BEND3: variants seen among roughly 807,000 people sequenced by gnomAD.
BEND3 encodes BEN domain-containing protein 3.
In BEND3, 13 loss-of-function variants were observed where a neutral mutation model predicts 60.1. The observed-to-expected ratio is 0.22, with a 90% CI of 0.14 to 0.34. The LOEUF (loss-of-function observed/expected upper bound fraction) is 0.34. Ranked by LOEUF, BEND3 falls within the 10% of genes least tolerant of loss-of-function variation. The pLI, the probability that BEND3 is intolerant of heterozygous loss-of-function variation, is 1.00. For missense variants in BEND3, 896 were observed against 1,138.1 expected (o/e 0.79, Z 3.06); for synonymous variants, 497 against 491.5 (o/e 1.01, Z -0.15).
At chr6:107,091,392 G>C (rs1775471956) in intron 3 of BEND3, among the ~76,000 whole-genome samples, 1 of 152,046 alleles carries the variant, frequency 6.6e-6, no homozygotes, top group Admixed American at 6.6e-5. Context: ...TCTCTGAAAA[G>C]ATCAGTAAAA....
Position 107,098,830 on chromosome 6 carries a change from G to A in BEND3, c.38-77C>T, listed in dbSNP as rs1356248895. The stretch of plus-strand genomic sequence containing the variant: ...GATCAGCAGGGTTCTCTGAGCAGCA[G>A]GGTGTCTGTGGGCCGCCCTTTGACA... On this transcript the variant is annotated intron_variant, in intron 2 of 3. Transcript: ENST00000369042. 8.8e-6 allele frequency: 11 copies of A among 1,257,086 alleles called. No individual in the cohort carries two copies. The East Asian group carries it at 2.6e-4, about 30-fold the overall frequency. The allele number at this position is 1,257,086 out of a possible 1,614,324, so 77.9% of individuals were successfully genotyped here. A position where few individuals can be genotyped will look rare whatever the true frequency, so the allele number is the denominator to read the frequency against.
chr6:107,068,647 A>G lies in BEND3; in HGVS notation c.*57T>C. 1 of 1,567,424 alleles carries G rather than the reference A, an allele frequency of 6.4e-7. No individual in the cohort carries two copies. The highest frequency in any genetic ancestry group is 8.7e-7 in the Non-Finnish European group (1 of 1,155,612). On this transcript the variant is annotated 3_prime_UTR_variant, in exon 4 of 4. Transcript: ENST00000369042. The surrounding 1 kb of genome is among the most constrained non-coding windows in gnomAD (Gnocchi z 5.8). ...TGCTCCCAAGTATTGCTCAGTCCCAAGGGTGCCCATCGCTCAGCCTCTGGT... is the reference window on the plus strand; with the variant it reads ...TGCTCCCAAGTATTGCTCAGTCCCAGGGGTGCCCATCGCTCAGCCTCTGGT...
Position 107,069,285 on chromosome 6 carries a change from C to A in BEND3, c.1906G>T (p.Val636Leu). 2 of 1,612,362 alleles carry A rather than the reference C, an allele frequency of 1.2e-6. No homozygotes were observed. Among genetic ancestry groups the A allele is most frequent in the African/African-American group, 1.3e-5 (1 of 75,024 alleles). The change falls in exon 4 of 4, where the codon GTG becomes TTG. Residue 636 changes from valine (V) to leucine (L), a missense_variant. Transcript: ENST00000369042. ...CGGCAGCGCTCATCCAGTTTGCCCACGAACTCCAGGGTCCAGACGCGGTCG... is the reference window on the plus strand; with the variant it reads ...CGGCAGCGCTCATCCAGTTTGCCCAAGAACTCCAGGGTCCAGACGCGGTCG... The part of the protein sequence containing the change: ...KNDRVWTLEF[V>L]GKLDERCRRR...
rs1360951770 is a variant in BEND3, at chr6:107,115,515, T to C, written c.-437A>G. Among the ~76,000 whole-genome samples, 1 of 146,566 alleles carries C rather than the reference T, an allele frequency of 6.8e-6. No homozygotes were observed. The highest frequency in any genetic ancestry group is 6.7e-5 in the Admixed American group (1 of 14,816). ...GGCCCGGCGCGCTCGGCCAGCGCAG[T>C]GGCTCCACGTGGGCCCGCGCTGGCT... On this transcript the variant is annotated 5_prime_UTR_variant, in exon 1 of 4. Coordinates refer to ENST00000369042, the MANE Select transcript of BEND3 (RefSeq NM_001367314.1).
At chr6:107,079,399 G>T (rs1364522237) in intron 3 of BEND3, among the ~76,000 whole-genome samples, 5 of 152,224 alleles carry the variant, frequency 3.3e-5, no homozygotes, top group Non-Finnish European at 7.3e-5. Flanking sequence ...CTCTGTCCTT[G>T]CAACAAGGTG....
At chr6:107,103,959 A>AG (rs1297214593) in intron 1 of BEND3, among the ~76,000 whole-genome samples, 3 of 107,840 alleles carry the variant, frequency 2.8e-5, no homozygotes, top group Non-Finnish European at 5.8e-5. Context: ...AAAAAAAAAA[A>AG]AAAGAAAGAA....
At chr6:107,097,980 T>G (rs1202850139) in intron 3 of BEND3, among the ~76,000 whole-genome samples, 1 of 152,034 alleles carries the variant, frequency 6.6e-6, no homozygotes, top group Non-Finnish European at 1.5e-5. Context: ...GGATCTGCCC[T>G]AACATCCAAC....
intron 1 of BEND3, among the ~76,000 whole-genome samples, chr6:107,111,924 G>A (rs1162281224): frequency 6.6e-6 from 1 of 151,160 alleles, no homozygotes; most frequent in East Asian, 1.9e-4. Flanking sequence ...GGATGTTGCA[G>A]TGGGCCGAGA....
At position 107,066,124 on chromosome 6, in the gene BEND3, AAAC is replaced by A. The variant is rs1238148498; in HGVS notation, c.*2577_*2579del. 2.6e-5 allele frequency: 4 copies of A among 152,122 alleles called. No individual in the cohort carries two copies. Among genetic ancestry groups the A allele is most frequent in the African/African-American group, 9.7e-5 (4 of 41,422 alleles). 9.4% of individuals were successfully genotyped at this position (152,122 alleles called of 1,614,324 possible). A position where few individuals can be genotyped will look rare whatever the true frequency, so the allele number is the denominator to read the frequency against. ...AAAAAAAAAAAAAAATCCAAAAAAC[AAAC>A]AACTAAAAACCAAAGAATTTAGATG... is the stretch of plus-strand genomic sequence containing the variant. On this transcript the variant is annotated 3_prime_UTR_variant, in exon 4 of 4. Coordinates refer to ENST00000369042, the MANE Select transcript of BEND3 (RefSeq NM_001367314.1).
intron 2 of BEND3, 113 bp from the exon 3 acceptor site, chr6:107,098,866 G>C: frequency 1.3e-6 from 1 of 795,062 alleles, no homozygotes; most frequent in Non-Finnish European, 2.0e-6. Context: ...CCAGTGCTGA[G>C]ATAATGATGT....
In BEND3 at chr6:107,087,351, G is replaced by A. The variant is rs543493800; in HGVS notation, c.240+11200C>T. Among the ~76,000 whole-genome samples, 4 of 152,002 alleles carry A rather than the reference G, an allele frequency of 2.6e-5. No homozygotes were observed. The East Asian group carries it at 5.8e-4, about 22-fold the overall frequency. On this transcript the variant is annotated intron_variant, in intron 3 of 3. Transcript: ENST00000369042. ...AAAAGAAAAGAAAAAACGACAAGGC[G>A]TACTAAGACCAAACCAGACTCAGAG...
chr6:107,071,158 T>C (rs1282374052), intron 3 of BEND3, among the ~76,000 whole-genome samples: 4 of 152,118 alleles, frequency 2.6e-5, no homozygotes, highest in Non-Finnish European at 5.9e-5. Flanking sequence ...GCTCTCCCCA[T>C]TCCCTGAGAA....
intron 3 of BEND3, among the ~76,000 whole-genome samples, chr6:107,087,969 T>A (rs1434628369): frequency 5.8e-5 from 7 of 121,624 alleles, no homozygotes; most frequent in Admixed American, 1.8e-4. Context: ...AGGCTAGTGA[T>A]AAAAAAAAAA....
intron 1 of BEND3, among the ~76,000 whole-genome samples, chr6:107,102,911 C>T (rs186576099): frequency 6.6e-6 from 1 of 152,338 alleles, no homozygotes; most frequent in African/African-American, 2.4e-5. Flanking sequence ...TCCAGTGTCA[C>T]ATCACTGAGT....
chr6:107,074,958 G>C (rs1282538874), intron 3 of BEND3, among the ~76,000 whole-genome samples: 12 of 152,082 alleles, frequency 7.9e-5, no homozygotes, highest in African/African-American at 4.8e-5. Context: ...AAAATTAGCT[G>C]GGAGTGGTAG....
At chr6:107,096,335 G>C (rs1554235928) in intron 3 of BEND3, among the ~76,000 whole-genome samples, 1 of 152,188 alleles carries the variant, frequency 6.6e-6, no homozygotes, top group Non-Finnish European at 1.5e-5. Context: ...GAATTGGCCG[G>C]GCATAGTGAC....
In BEND3 at chr6:107,110,744, G is replaced by A. The variant is rs573707913; in HGVS notation, c.-12+4346C>T. On this transcript the variant is annotated intron_variant, in intron 1 of 3. Coordinates refer to ENST00000369042, the MANE Select transcript of BEND3 (RefSeq NM_001367314.1). ...TAATTTTTGTATTTTTAGTAGATAC[G>A]AGGTTTCGCGATGTTGGCCAGGCTG... Among the ~76,000 whole-genome samples, 481 of 152,094 alleles carry A rather than the reference G, an allele frequency of 3.2e-3. 2 individuals are homozygous for A. Among genetic ancestry groups the A allele is most frequent in the South Asian group, 0.015 (73 of 4,818 alleles).
chr6:107,099,421 G>GTTACC, intron 1 of BEND3, 125 bp from the exon 2 acceptor site: 1 of 773,554 alleles, frequency 1.3e-6, no homozygotes, highest in Non-Finnish European at 2.1e-6. Flanking sequence ...GCACAGCACT[G>GTTACC]TGGAAGCTAT....
Position 107,068,828 on chromosome 6 carries a change from T to A in BEND3, c.2363A>T (p.Tyr788Phe). ...RLIRHYVEAV[Y>F]PVEKMEEVWH... ...CACCTCCTCCATCTTCTCCACCGGG[T>A]AGACGGCTTCCACGTAGTGGCGGAT... Residue 788 changes from tyrosine (Y) to phenylalanine (F), a missense_variant, in exon 4 of 4, where the codon TAC becomes TTC. By Grantham distance (22) the Tyr-to-Phe change is conservative. Transcript: ENST00000369042. The surrounding 1 kb of genome is among the most constrained non-coding windows in gnomAD (Gnocchi z 5.8). The A allele has an allele frequency of 1.9e-6, 3 of 1,614,100 alleles. No homozygotes were observed. Among genetic ancestry groups the A allele is most frequent in the Non-Finnish European group, 2.5e-6 (3 of 1,180,040 alleles).
Sources: allele counts gnomAD v4.1 joint callset (sites outside exome capture counted in the v4.1 genomes callset), GRCh38; gene constraint gnomAD v4.1.1; non-coding constraint Gnocchi (gnomAD v3.1); transcripts MANE v1.5; gene names NCBI Gene and HGNC (gene_info 2026-07-23, HGNC 2026-07-21).